The following NRXN1 variants were observed in gnomAD, a reference collection of about 807,000 sequenced individuals.
The protein encoded by NRXN1 is neurexin 1, also known as neurexin-1.
In NRXN1, 39 loss-of-function variants were observed where a neutral mutation model predicts 150.9. The observed-to-expected ratio is 0.26, with a 90% CI of 0.20 to 0.34. The LOEUF is 0.34. Ranked by LOEUF, NRXN1 falls within the 10% of genes least tolerant of loss-of-function variation. The pLI is 1.00. For synonymous variants in NRXN1, 924 were observed against 757.0 expected, an observed-to-expected ratio of 1.22 and a Z score of -3.62; for missense variants, 1,815 against 1,949.9, an observed-to-expected ratio of 0.93 and a Z score of 1.30.
Position 50,091,510 on chromosome 2 carries a change from G to C in NRXN1, c.3547-16C>G, listed in dbSNP as rs756210249. The C allele has an allele frequency of 1.4e-5, 23 of 1,613,290 alleles. No individual in the cohort carries two copies. The highest frequency in any genetic ancestry group is 1.9e-5 in the Non-Finnish European group (22 of 1,179,658). On this transcript the variant is annotated splice_polypyrimidine_tract_variant and intron_variant, in intron 18 of 22. Transcript: ENST00000401669. ...TTCCCTGGTGCTGTAAGAGAGGAGG[G>C]GAAAAAAGAGTTGAATTAAGTTGAC...
At chr2:50,606,110 C>A (rs975211329) in intron 8 of NRXN1, among the ~76,000 whole-genome samples, 2 of 151,878 alleles carry the variant, frequency 1.3e-5, no homozygotes, top group Non-Finnish European at 2.9e-5. Context: ...ATTAGCCAGG[C>A]ATGGTGGCAT....
intron 18 of NRXN1, among the ~76,000 whole-genome samples, chr2:50,132,455 G>T (rs537118677): frequency 4.7e-4 from 71 of 151,950 alleles, no homozygotes; most frequent in African/African-American, 1.6e-3. Flanking sequence ...ACAAGGGCCC[G>T]CCACCACACC....
intron 18 of NRXN1, among the ~76,000 whole-genome samples, chr2:50,098,282 T>G (rs1433136859): frequency 3.3e-5 from 5 of 152,144 alleles, no homozygotes; most frequent in Non-Finnish European, 4.4e-5. Flanking sequence ...TGGGAAAACT[T>G]TCAATCAAAT....
At chr2:50,049,795 A>G (rs973794843) in intron 21 of NRXN1, among the ~76,000 whole-genome samples, 1 of 152,098 alleles carries the variant, frequency 6.6e-6, no homozygotes, top group African/African-American at 2.4e-5. Flanking sequence ...TTTAGCAGCC[A>G]AAAAACTTGC....
chr2:50,513,497 A>G (rs1043446805), intron 12 of NRXN1, among the ~76,000 whole-genome samples: 1 of 152,204 alleles, frequency 6.6e-6, no homozygotes, highest in African/African-American at 2.4e-5. Context: ...CCCTGAATAT[A>G]AAAATAAATG....
chr2:50,122,319 T>C (rs889227035), intron 18 of NRXN1, among the ~76,000 whole-genome samples: 2 of 152,256 alleles, frequency 1.3e-5, no homozygotes, highest in Non-Finnish European at 2.9e-5. Flanking sequence ...TTCAGTGCTC[T>C]TGAAAGCAAA....
chr2:50,830,299 A>C (rs1482277652), intron 5 of NRXN1, among the ~76,000 whole-genome samples: 1 of 152,128 alleles, frequency 6.6e-6, no homozygotes, highest in Non-Finnish European at 1.5e-5. Context: ...ACTACCTTGA[A>C]GAAGGAGTAT....
At chr2:50,756,212 A>T (rs1300161578) in intron 5 of NRXN1, among the ~76,000 whole-genome samples, 2 of 151,708 alleles carry the variant, frequency 1.3e-5, no homozygotes, top group Admixed American at 6.6e-5. Flanking sequence ...AGGCTGTTCA[A>T]ATCACCTGTC....
At chr2:50,917,816 T>A (rs1685433078) in intron 5 of NRXN1, 1 of 151,630 alleles carries the variant, frequency 6.6e-6, no homozygotes, top group African/African-American at 2.4e-5. Context: ...TTTATGGTAT[T>A]TTTATATAGA....
At position 50,606,132 on chromosome 2, in the gene NRXN1, C is replaced by T. The variant is rs1013792939; in HGVS notation, c.1320+13890G>A. The stretch of plus-strand genomic sequence containing the variant: ...AGGCATGGTGGCATAGGCCTATAAT[C>T]CCAGCTACCTGGCAGGCTGAGGCAG... On this transcript the variant is annotated intron_variant, in intron 8 of 22. Transcript: ENST00000401669. Among the ~76,000 whole-genome samples the T allele has an allele frequency of 2.6e-5, 4 of 151,782 alleles. 1 individual carries two copies. The highest frequency in any genetic ancestry group is 6.6e-5 in the Admixed American group (1 of 15,226).
chr2:50,794,675 T>C (rs961154123), intron 5 of NRXN1, among the ~76,000 whole-genome samples: 1 of 152,162 alleles, frequency 6.6e-6, no homozygotes, highest in Non-Finnish European at 1.5e-5. Context: ...TGAAGAAAGA[T>C]CTCATCTACC....
chr2:50,645,077 G>A (rs995340286), intron 5 of NRXN1, among the ~76,000 whole-genome samples: 3 of 151,768 alleles, frequency 2.0e-5, no homozygotes, highest in African/African-American at 7.3e-5. Context: ...CACCAGACAA[G>A]AGTCACCCCA....
In NRXN1 at chr2:50,087,428, A is replaced by G. The variant is rs148537637; in HGVS notation, c.3718+3895T>C. Among the ~76,000 whole-genome samples the G allele has an allele frequency of 4.5e-3, 683 of 152,244 alleles. 6 individuals carry two copies. Among genetic ancestry groups the G allele is most frequent in the African/African-American group, 0.016 (647 of 41,552 alleles). On this transcript the variant is annotated intron_variant, in intron 19 of 22. Transcript: ENST00000401669. ...AAGTTTATTATCAAAGATAACTGTG[A>G]TTTATCTGAAGCAATCTTTAGTCAG... is the stretch of plus-strand genomic sequence containing the variant.
In NRXN1 at chr2:50,400,398, G is replaced by C. The variant is rs191011271; in HGVS notation, c.3364+65044C>G. On this transcript the variant is annotated intron_variant, in intron 17 of 22. Transcript: ENST00000401669. ...AGAACTCCATAAGGAGTGCTATTGG[G>C]GGGTAGGGGTCTTCAGAAACGCCGT... Among the ~76,000 whole-genome samples the C allele has an allele frequency of 2.1e-3, 315 of 152,120 alleles. 1 individual carries two copies. Among genetic ancestry groups the C allele is most frequent in the Non-Finnish European group, 3.5e-3 (235 of 67,984 alleles).
chr2:50,172,242 T>A (rs1455256311), intron 18 of NRXN1, among the ~76,000 whole-genome samples: 1 of 152,148 alleles, frequency 6.6e-6, no homozygotes, highest in Non-Finnish European at 1.5e-5. Context: ...TTCTGGTATA[T>A]TTGAACTTTC....
chr2:50,386,778 C>T (rs919882209), intron 17 of NRXN1, among the ~76,000 whole-genome samples: 1 of 152,098 alleles, frequency 6.6e-6, no homozygotes, highest in Non-Finnish European at 1.5e-5. Flanking sequence ...TACTGGGCTA[C>T]GCAGGAGAAA....
intron 2 of NRXN1, among the ~76,000 whole-genome samples, chr2:50,971,051 G>A (rs1694912230): frequency 6.6e-6 from 1 of 152,004 alleles, no homozygotes. Context: ...GATTTGTGTT[G>A]ACTTAAAAGG....
intron 5 of NRXN1, among the ~76,000 whole-genome samples, chr2:50,637,022 A>G (rs1353237156): frequency 6.6e-6 from 1 of 152,176 alleles, no homozygotes; most frequent in Non-Finnish European, 1.5e-5. Flanking sequence ...GGCTCCATGG[A>G]TAGAGCCCAT....
intron 17 of NRXN1, among the ~76,000 whole-genome samples, chr2:50,317,024 A>T (rs1318895025): frequency 2.0e-5 from 3 of 152,048 alleles, no homozygotes; most frequent in Non-Finnish European, 4.4e-5. Flanking sequence ...ATTATTAAAG[A>T]GTATTTTGGA....
Sources: allele counts gnomAD v4.1 joint callset (sites outside exome capture counted in the v4.1 genomes callset), GRCh38; gene constraint gnomAD v4.1.1; transcripts MANE v1.5; gene names NCBI Gene and HGNC (gene_info 2026-07-23, HGNC 2026-07-21).